The following EPCAM variants were observed in gnomAD, a reference collection of about 807,000 sequenced individuals.
EPCAM encodes adenocarcinoma-associated antigen.
In EPCAM, 39 loss-of-function variants were observed where a neutral mutation model predicts 40.0. The ratio of observed to expected loss-of-function variants is 0.98; its 90% CI spans 0.76 to 1.27. The LOEUF (loss-of-function observed/expected upper bound fraction) is 1.27, where lower values mean the gene tolerates loss of function less well. Ranked by LOEUF, EPCAM falls within the 50% of genes most tolerant of loss-of-function variation. EPCAM has a pLI of 0.00. For synonymous variants in EPCAM, 168 were observed against 132.3 expected (o/e 1.27, Z -1.85); for missense variants, 503 against 381.2 (o/e 1.32, Z -2.66).
At chr2:47,376,459 C>T (rs1334776876) in intron 4 of EPCAM, among the ~76,000 whole-genome samples, 1 of 151,978 alleles carries the variant, frequency 6.6e-6, no homozygotes, top group Non-Finnish European at 1.5e-5. Flanking sequence ...GGGGTTTCTC[C>T]ACGTTGGTCA....
At chr2:47,382,455 G>A (rs76761479) in intron 7 of EPCAM, among the ~76,000 whole-genome samples, 2 of 152,224 alleles carry the variant, frequency 1.3e-5, no homozygotes, top group Non-Finnish European at 1.5e-5. Context: ...GGGAGGCTGA[G>A]GTGGGCAGAT....
At chr2:47,369,908 G>A (rs896898775) in intron 1 of EPCAM, 7 of 449,114 alleles carry the variant, frequency 1.6e-5, no homozygotes, top group African/African-American at 1.4e-4. Context: ...TCGCGCCCTG[G>A]CGCACCCACG....
At chr2:47,373,770 A>G (rs759337555) in intron 2 of EPCAM, 38 bp from the exon 3 acceptor site, 4 of 1,613,458 alleles carry the variant, frequency 2.5e-6, no homozygotes, top group Non-Finnish European at 3.4e-6. Context: ...TCATGAAATC[A>G]GTTATTTTTC....
Position 47,373,520 on chromosome 2 carries a change from A to T in EPCAM, c.134A>T (p.Gln45Leu), listed in dbSNP as rs372142268. Residue 45 changes from glutamine (Q) to leucine (L), a missense_variant, in exon 2 of 9, where the codon CAA becomes CTA. Transcript: ENST00000263735. ...AACTGCTTTGTGAATAATAATCGTC[A>T]ATGCCAGTGTACTTCAGTTGGTGCA... ...AVNCFVNNNR[Q>L]CQCTSVGAQN... 29 of 1,613,836 alleles carry T rather than the reference A, an allele frequency of 1.8e-5. No individual in the cohort carries two copies. Among genetic ancestry groups the T allele is most frequent in the Middle Eastern group, 1.6e-4 (1 of 6,084 alleles).
chr2:47,380,753 G>T (rs1045986800), intron 7 of EPCAM, among the ~76,000 whole-genome samples: 3 of 152,174 alleles, frequency 2.0e-5, no homozygotes, highest in African/African-American at 7.2e-5. Flanking sequence ...AGAAGTGAAA[G>T]GTTTATTTTA....
chr2:47,383,610 T>C (rs201077655), intron 7 of EPCAM, among the ~76,000 whole-genome samples: 4,489 of 31,274 alleles, frequency 0.14, 53 homozygotes, highest in African/African-American at 0.34. Flanking sequence ...GCTTCTTCTT[T>C]TTTTTTTTTT....
intron 7 of EPCAM, among the ~76,000 whole-genome samples, chr2:47,383,602 T>C (rs550290838): frequency 0.025 from 2,707 of 110,186 alleles, 45 homozygotes; most frequent in Non-Finnish European, 0.034. Context: ...TGTGCCCGGC[T>C]TCTTCTTTTT....
rs796209216 is a variant in EPCAM at position 47,378,371 on chromosome 2, G to A, written c.556-582G>A. Among the ~76,000 whole-genome samples, 39 of 146,386 alleles carry A rather than the reference G, an allele frequency of 2.7e-4. 1 individual carries two copies. The highest frequency in any genetic ancestry group is 9.6e-4 in the African/African-American group (38 of 39,650). On this transcript the variant is annotated intron_variant, in intron 5 of 8. Coordinates refer to ENST00000263735, the MANE Select transcript of EPCAM (RefSeq NM_002354.3). ...GGCTGGAGTGCAATGGCGCCATCTCGGCTCACCACGACTTTTGCCTCCCAG... is the reference window on the plus strand; with the variant it reads ...GGCTGGAGTGCAATGGCGCCATCTCAGCTCACCACGACTTTTGCCTCCCAG...
At chr2:47,375,863 G>A (rs1017883934) in intron 4 of EPCAM, among the ~76,000 whole-genome samples, 3 of 151,822 alleles carry the variant, frequency 2.0e-5, no homozygotes, top group East Asian at 1.9e-4. Flanking sequence ...CTGCCACTAC[G>A]CCCTGCTAAT....
chr2:47,386,506 T>C (rs1671745556), intron 8 of EPCAM, 66 bp from the exon 9 acceptor site: 2 of 1,233,322 alleles, frequency 1.6e-6, no homozygotes, highest in Admixed American at 3.6e-5. Flanking sequence ...TTTAATACTA[T>C]TTTCAGAATG....
chr2:47,382,583 G>T (rs1236907926), intron 7 of EPCAM, among the ~76,000 whole-genome samples: 1 of 152,186 alleles, frequency 6.6e-6, no homozygotes, highest in Non-Finnish European at 1.5e-5. Flanking sequence ...CTACTCAGGA[G>T]GCTGAGGCAG....
intron 6 of EPCAM, 62 bp downstream of exon 6, chr2:47,379,116 A>C: frequency 1.1e-6 from 1 of 916,868 alleles, no homozygotes; most frequent in Non-Finnish European, 1.8e-6. Flanking sequence ...TCAATGAATT[A>C]AATATATTTC....
At chr2:47,375,435 A>T in intron 4 of EPCAM, 136 bp downstream of exon 4, 2 of 680,414 alleles carry the variant, frequency 2.9e-6, no homozygotes, top group South Asian at 3.2e-5. Flanking sequence ...GAGTTGCAAG[A>T]ATAGCACAGA....
Position 47,374,263 on chromosome 2 carries a change from G to A in EPCAM, c.425+215G>A, listed in dbSNP as rs550148267. On this transcript the variant is annotated intron_variant, in intron 3 of 8. Transcript: ENST00000263735. ...ATTCTATAACCTTCCAGAGATAGTT[G>A]ATGAATTTGTTATATATCTGTTTTA... 1.1e-4 allele frequency among the ~76,000 whole-genome samples: 17 copies of A among 152,136 alleles called. No individual in the cohort carries two copies. In the South Asian group the frequency reaches 3.3e-3, roughly 30 times the overall value.
intron 5 of EPCAM, among the ~76,000 whole-genome samples, chr2:47,378,215 C>G (rs1441015892): frequency 1.3e-5 from 2 of 151,688 alleles, no homozygotes; most frequent in African/African-American, 4.8e-5. Flanking sequence ...CTGGGCGACA[C>G]AGCAAGACTC....
chr2:47,371,315 C>A (rs1476733243), intron 1 of EPCAM, among the ~76,000 whole-genome samples: 1 of 151,862 alleles, frequency 6.6e-6, no homozygotes, highest in Non-Finnish European at 1.5e-5. Context: ...GCCTGGAGTG[C>A]AGTGGCACAT....
chr2:47,377,714 CTTTTG>C (rs1671463759), intron 5 of EPCAM: 1 of 413,978 alleles, frequency 2.4e-6, no homozygotes, highest in East Asian at 9.1e-5. Flanking sequence ...ACCAAAATTA[CTTTTG>C]GTAAATACAG....
chr2:47,379,585 C>T (rs994019980), intron 6 of EPCAM, among the ~76,000 whole-genome samples, 184 bp from the exon 7 acceptor site: 12 of 152,094 alleles, frequency 7.9e-5, no homozygotes, highest in Non-Finnish European at 1.6e-4. Flanking sequence ...TTTCTACTTT[C>T]GTGTATGTTG....
At chr2:47,384,453 G>A (rs1671682924) in intron 7 of EPCAM, among the ~76,000 whole-genome samples, 1 of 151,288 alleles carries the variant, frequency 6.6e-6, no homozygotes, top group Non-Finnish European at 1.5e-5. Context: ...CCACTCTGTC[G>A]CCCAGGCTGG....
Sources: gnomAD v4.1 joint callset for allele counts (sites outside exome capture counted in the v4.1 genomes callset) on GRCh38, gnomAD v4.1.1 for gene constraint, MANE v1.5 for transcripts, NCBI Gene and HGNC (gene_info 2026-07-23, HGNC 2026-07-21) for gene names.